The following CPLX1 variants were observed in gnomAD, a reference collection of about 807,000 sequenced individuals.
The protein encoded by CPLX1 is complexin-1.
Under a neutral mutation model 15.6 loss-of-function variants are expected in CPLX1, and 6 were observed. The ratio of observed to expected loss-of-function variants is 0.39; its 90% CI spans 0.21 to 0.76. CPLX1 has a LOEUF of 0.76. CPLX1 is among the 30% of genes least tolerant of loss of function. CPLX1 has a pLI of 0.43. For synonymous variants in CPLX1, 91 were observed against 75.2 expected (o/e 1.21, Z -1.08); for missense variants, 242 against 188.6 (o/e 1.28, Z -1.66).
chr4:795,383 C>G (rs1470952251), intron 2 of CPLX1, among the ~76,000 whole-genome samples: 1 of 152,146 alleles, frequency 6.6e-6, no homozygotes, highest in Non-Finnish European at 1.5e-5. Flanking sequence ...ACCCTGGAAG[C>G]ATGAGCTGCA....
intron 2 of CPLX1, among the ~76,000 whole-genome samples, chr4:812,248 G>T (rs764237299): frequency 6.6e-6 from 1 of 151,964 alleles, no homozygotes; most frequent in Non-Finnish European, 1.5e-5. Flanking sequence ...CTAAATTTTT[G>T]TATTTTTAGT....
intron 2 of CPLX1, among the ~76,000 whole-genome samples, chr4:794,338 C>G (rs916574184): frequency 2.0e-4 from 30 of 152,260 alleles, no homozygotes; most frequent in African/African-American, 6.5e-4. Context: ...ACGAGCCCCT[C>G]TTGCTGCCCT....
chr4:795,973 C>G (rs1280561934), intron 2 of CPLX1, among the ~76,000 whole-genome samples: 1 of 152,128 alleles, frequency 6.6e-6, no homozygotes, highest in Non-Finnish European at 1.5e-5. Context: ...AGGCTCTTCC[C>G]GGGAACCCAC....
chr4:792,405 C>T (rs1250053208), intron 3 of CPLX1, 28 bp downstream of exon 3: 4 of 1,504,956 alleles, frequency 2.7e-6, no homozygotes, highest in Non-Finnish European at 3.5e-6. Context: ...GGCCGCCTTC[C>T]CGCAGGCGGG....
In CPLX1 at chr4:786,419, T is replaced by G; in HGVS notation, c.*82A>C. The G allele has an allele frequency of 2.1e-6, 3 of 1,425,434 alleles. No homozygotes were observed. The highest frequency in any genetic ancestry group is 2.8e-6 in the Non-Finnish European group (3 of 1,072,396). The allele number at this position is 1,425,434 out of a possible 1,614,324, so 88.3% of individuals were successfully genotyped here. ...GCTTATATCGGCGTGGGGGCTGCGC[T>G]CTGCTCGTCCCTCAGGGGCCTCCGC... On this transcript the variant is annotated 3_prime_UTR_variant, in exon 4 of 4. Coordinates refer to ENST00000304062, the MANE Select transcript of CPLX1 (RefSeq NM_006651.4).
chr4:788,113 C>T (rs1267166320), intron 3 of CPLX1: 4 of 985,302 alleles, frequency 4.1e-6, no homozygotes, highest in Non-Finnish European at 4.8e-6. Context: ...AGGGAGGGGC[C>T]TTTCTGCCCA....
intron 2 of CPLX1, among the ~76,000 whole-genome samples, chr4:793,068 G>GATC (rs1746232882): frequency 6.6e-6 from 1 of 152,256 alleles, no homozygotes; most frequent in African/African-American, 2.4e-5. Context: ...GCGGTTGTGT[G>GATC]ATCAGGCTTG....
chr4:797,801 C>T (rs527922012), intron 2 of CPLX1, among the ~76,000 whole-genome samples: 25 of 152,108 alleles, frequency 1.6e-4, no homozygotes, highest in Non-Finnish European at 2.6e-4. Context: ...GGCATGGTGG[C>T]GGGCGCCTGT....
chr4:812,554 G>A (rs1746682680), intron 2 of CPLX1, among the ~76,000 whole-genome samples: 1 of 152,134 alleles, frequency 6.6e-6, no homozygotes, highest in South Asian at 2.1e-4. Flanking sequence ...CTTGAGTGTG[G>A]GGAAATTATC....
chr4:791,406 A>T (rs1445015231), intron 3 of CPLX1, among the ~76,000 whole-genome samples: 2 of 151,960 alleles, frequency 1.3e-5, no homozygotes, highest in African/African-American at 4.8e-5. Context: ...GGTGGGGAGG[A>T]GCTGGCCTTT....
chr4:800,734 AAT>A (rs60050126), intron 2 of CPLX1, among the ~76,000 whole-genome samples: 21,202 of 88,502 alleles, frequency 0.24, 2,161 homozygotes, highest in East Asian at 0.39. Context: ...TAAAAAAAAA[AAT>A]ATATATATAT....
In CPLX1 at chr4:792,470, G is replaced by C. The variant is rs376139437; in HGVS notation, c.170C>G (p.Ala57Gly). 2 of 1,610,134 alleles carry C rather than the reference G, an allele frequency of 1.2e-6. No individual in the cohort carries two copies. Among genetic ancestry groups the C allele is most frequent in the Non-Finnish European group, 1.7e-6 (2 of 1,178,552 alleles). ...GCCCTGGCGCACGGCCTCGCGCTCCGCCTCCATCTTGGCGTACTTGGCCTT... is the reference window on the plus strand; with the variant it reads ...GCCCTGGCGCACGGCCTCGCGCTCCCCCTCCATCTTGGCGTACTTGGCCTT... ...ERKAKYAKME[A>G]EREAVRQGIR... is the part of the protein sequence containing the mutation. The change falls in exon 3 of 4, where the codon GCG becomes GGG. Residue 57 changes from alanine (A) to glycine (G), a missense_variant. Coordinates refer to ENST00000304062, the MANE Select transcript of CPLX1 (RefSeq NM_006651.4).
chr4:820,686 C>T (rs191116553), intron 2 of CPLX1, among the ~76,000 whole-genome samples: 2 of 152,174 alleles, frequency 1.3e-5, no homozygotes, highest in Admixed American at 6.5e-5. Context: ...GGACTCCTGG[C>T]TCTGGTGGTC....
At chr4:816,228 T>C (rs1279844912) in intron 2 of CPLX1, among the ~76,000 whole-genome samples, 2 of 148,632 alleles carry the variant, frequency 1.3e-5, no homozygotes, top group Non-Finnish European at 3.0e-5. Flanking sequence ...TTTTTTTTTT[T>C]TTTTTTTTGA....
intron 2 of CPLX1, chr4:804,858 G>C (rs552505670): frequency 1.1e-6 from 1 of 948,274 alleles, no homozygotes; most frequent in South Asian, 4.9e-5. Context: ...CAGCCTCCAC[G>C]GGAAAGGTGG....
intron 1 of CPLX1, among the ~76,000 whole-genome samples, chr4:825,319 G>A (rs1018964168): frequency 2.6e-5 from 4 of 152,188 alleles, no homozygotes; most frequent in Non-Finnish European, 5.9e-5. Context: ...TCCTATCGGG[G>A]AACCCCAGGT....
chr4:788,454 A>C, intron 3 of CPLX1: 1 of 985,356 alleles, frequency 1.0e-6, no homozygotes, highest in Non-Finnish European at 1.2e-6. Flanking sequence ...GGCTCGCCCT[A>C]GTCCTCAGCA....
At chr4:815,853 C>G (rs1327013937) in intron 2 of CPLX1, among the ~76,000 whole-genome samples, 1 of 152,206 alleles carries the variant, frequency 6.6e-6, no homozygotes, top group African/African-American at 2.4e-5. Context: ...CATTTACACA[C>G]CACTTCCAAC....
chr4:815,410 C>CAAAAAA (rs71166897), intron 2 of CPLX1, among the ~76,000 whole-genome samples: 8 of 93,322 alleles, frequency 8.6e-5, no homozygotes, highest in Middle Eastern at 6.1e-3. Flanking sequence ...GACTCCGTCT[C>CAAAAAA]AAAAAAAAAA....
Sources: gnomAD v4.1 joint callset for allele counts (sites outside exome capture counted in the v4.1 genomes callset) on GRCh38, gnomAD v4.1.1 for gene constraint, MANE v1.5 for transcripts, NCBI Gene and HGNC (gene_info 2026-07-23, HGNC 2026-07-21) for gene names.